Variants in MAF observed in about 807,000 individuals in gnomAD.
The protein encoded by MAF is transcription factor Maf.
Under a neutral mutation model 22.0 loss-of-function variants are expected in MAF, and 10 were observed. That is an observed-to-expected ratio of 0.45 (90% CI 0.28 to 0.77). The LOEUF is 0.77. MAF is among the 30% of genes least tolerant of loss of function. The pLI, the probability that MAF is intolerant of heterozygous loss-of-function variation, is 0.12. For synonymous variants in MAF, 337 were observed against 255.8 expected (o/e 1.32, Z -3.03); for missense variants, 544 against 548.4 (o/e 0.99, Z 0.08).
chr16:79,252,449 G>A, the MAF span, among the ~76,000 whole-genome samples: 1 of 152,076 alleles, frequency 6.6e-6, no homozygotes, highest in Non-Finnish European at 1.5e-5. Flanking sequence ...GCTGTCATTT[G>A]CTGATCCCTG....
the MAF span, among the ~76,000 whole-genome samples, chr16:79,425,901 G>A: frequency 6.6e-6 from 1 of 152,174 alleles, no homozygotes; most frequent in African/African-American, 2.4e-5. Flanking sequence ...GCAAAATCAG[G>A]AGCAACATTC....
chr16:79,268,275 T>C, the MAF span, among the ~76,000 whole-genome samples: 5 of 152,074 alleles, frequency 3.3e-5, no homozygotes, highest in Admixed American at 2.6e-4. Context: ...AAGAAAAATG[T>C]AGTCGTCTCA....
the MAF span, among the ~76,000 whole-genome samples, chr16:79,453,627 C>A: frequency 6.6e-6 from 1 of 152,146 alleles, no homozygotes; most frequent in Admixed American, 6.6e-5. Context: ...GGAAAATAAT[C>A]AATTTGCTAT....
the MAF span, among the ~76,000 whole-genome samples, chr16:79,465,238 G>C: frequency 2.0e-5 from 3 of 152,150 alleles, no homozygotes; most frequent in African/African-American, 7.2e-5. Flanking sequence ...TGGATACAGA[G>C]GGCCAACTGT....
At chr16:79,406,852 A>G in the MAF span, among the ~76,000 whole-genome samples, 1 of 152,162 alleles carries the variant, frequency 6.6e-6, no homozygotes, top group Non-Finnish European at 1.5e-5. Flanking sequence ...TTCCTGGGAC[A>G]GAGGAAGAAA....
At chr16:79,222,416 G>T in the MAF span, among the ~76,000 whole-genome samples, 1 of 152,118 alleles carries the variant, frequency 6.6e-6, no homozygotes, top group South Asian at 2.1e-4. Flanking sequence ...ACACTATGAA[G>T]AAACTGCATC....
chr16:79,596,950 T>C (rs1421636214), intron 1 of MAF: 1 of 1,050,264 alleles, frequency 9.5e-7, no homozygotes, highest in Non-Finnish European at 1.1e-6. Flanking sequence ...AATACTTTAA[T>C]TTTGAAAAGA....
chr16:79,448,920 A>T, the MAF span, among the ~76,000 whole-genome samples: 1 of 152,168 alleles, frequency 6.6e-6, no homozygotes, highest in African/African-American at 2.4e-5. Flanking sequence ...CAAGCACATT[A>T]CATTTATTGT....
At chr16:79,282,583 G>C in the MAF span, among the ~76,000 whole-genome samples, 1 of 152,150 alleles carries the variant, frequency 6.6e-6, no homozygotes, top group Non-Finnish European at 1.5e-5. Flanking sequence ...CTTCCCCAAA[G>C]GCTACGGTAA....
chr16:79,217,015 G>C, the MAF span, among the ~76,000 whole-genome samples: 1 of 152,114 alleles, frequency 6.6e-6, no homozygotes, highest in Non-Finnish European at 1.5e-5. Flanking sequence ...TTGCCATGTT[G>C]GCCAGGCTGG....
At chr16:79,250,584 G>A in the MAF span, among the ~76,000 whole-genome samples, 29 of 152,254 alleles carry the variant, frequency 1.9e-4, no homozygotes, top group Non-Finnish European at 4.1e-4. Context: ...TGGTGCTTGG[G>A]GAAGGCTCTA....
the MAF span, among the ~76,000 whole-genome samples, chr16:79,538,876 AAAG>A: frequency 0.012 from 389 of 33,646 alleles, 4 homozygotes; most frequent in East Asian, 0.057. Context: ...AAAAGAAAAG[AAAG>A]AAAGAAAGAA....
At chr16:79,555,996 T>A in the MAF span, among the ~76,000 whole-genome samples, 1,248 of 149,862 alleles carry the variant, frequency 8.3e-3, 18 homozygotes, top group African/African-American at 0.029. Flanking sequence ...AGTTTAGTGA[T>A]GTTTAGTTTG....
chr16:79,272,062 A>C, the MAF span, among the ~76,000 whole-genome samples: 1 of 152,186 alleles, frequency 6.6e-6, no homozygotes, highest in Non-Finnish European at 1.5e-5. Context: ...GGTACGTGTG[A>C]GCCAATACTT....
chr16:79,218,064 T>A, the MAF span, among the ~76,000 whole-genome samples: 1 of 150,028 alleles, frequency 6.7e-6, no homozygotes, highest in South Asian at 2.1e-4. Context: ...TCTTTGTGTC[T>A]TTCAATATAT....
the MAF span, among the ~76,000 whole-genome samples, chr16:79,449,264 G>A: frequency 1.3e-5 from 2 of 152,202 alleles, no homozygotes; most frequent in African/African-American, 4.8e-5. Context: ...TTGCCCTCTT[G>A]ATGCGCTGCC....
At chr16:79,211,952 C>A in the MAF span, 25 of 1,536,352 alleles carry the variant, frequency 1.6e-5, no homozygotes, top group African/African-American at 3.0e-4. Flanking sequence ...TCTTAAGTAC[C>A]AATGGGAAGC....
the MAF span, among the ~76,000 whole-genome samples, chr16:79,484,588 C>T: frequency 1.3e-5 from 2 of 152,168 alleles, no homozygotes; most frequent in African/African-American, 2.4e-5. Context: ...AGGAGACAGC[C>T]TCCCTTGGAA....
the MAF span, among the ~76,000 whole-genome samples, chr16:79,226,101 G>T: frequency 6.6e-6 from 1 of 152,100 alleles, no homozygotes; most frequent in Non-Finnish European, 1.5e-5. Context: ...GCAGTACTGT[G>T]CACAGTAGTA....
Sources: allele counts gnomAD v4.1 joint callset (sites outside exome capture counted in the v4.1 genomes callset), GRCh38; gene constraint gnomAD v4.1.1; transcripts MANE v1.5; gene names NCBI Gene and HGNC (gene_info 2026-07-23, HGNC 2026-07-21).